The following DTWD2 variants were observed in gnomAD, a reference collection of about 807,000 sequenced individuals.
DTWD2 encodes DTW motif tRNA-uridine aminocarboxypropyltransferase 2.
In DTWD2, 39 loss-of-function variants were observed where a neutral mutation model predicts 31.8. The observed-to-expected ratio is 1.22, with a 90% CI of 0.95 to 1.60. The LOEUF (loss-of-function observed/expected upper bound fraction) is 1.60. DTWD2 is among the 40% of genes most tolerant of loss of function. DTWD2 has a pLI of 0.00. For synonymous variants in DTWD2, 180 were observed against 142.8 expected (o/e 1.26, Z -1.86); for missense variants, 515 against 381.5 (o/e 1.35, Z -2.92).
chr5:118,952,901 T>A (rs1314334300), intron 1 of DTWD2, among the ~76,000 whole-genome samples: 3 of 152,228 alleles, frequency 2.0e-5, no homozygotes, highest in Non-Finnish European at 4.4e-5. Flanking sequence ...TCGTATGTAT[T>A]TCCTTTAGAT....
chr5:118,877,278 C>T (rs1752641685), intron 4 of DTWD2, among the ~76,000 whole-genome samples: 1 of 152,084 alleles, frequency 6.6e-6, no homozygotes, highest in Non-Finnish European at 1.5e-5. Context: ...CGAGACCATC[C>T]TGGCTAACAT....
intron 1 of DTWD2, among the ~76,000 whole-genome samples, chr5:118,957,529 A>AT (rs1754613379): frequency 6.6e-6 from 1 of 151,998 alleles, no homozygotes; most frequent in African/African-American, 2.4e-5. Flanking sequence ...CACTGTTGTG[A>AT]TTTTTTAATT....
chr5:118,956,072 A>T (rs918323400), intron 1 of DTWD2, among the ~76,000 whole-genome samples: 2 of 152,190 alleles, frequency 1.3e-5, no homozygotes, highest in African/African-American at 4.8e-5. Context: ...CATGTCACAG[A>T]TTTTCAATTT....
chr5:118,882,260 G>T (rs2149554993), intron 4 of DTWD2, among the ~76,000 whole-genome samples: 1 of 152,306 alleles, frequency 6.6e-6, no homozygotes, highest in East Asian at 1.9e-4. Context: ...TCACATGCAG[G>T]GCAAGTTGAT....
Position 118,839,835 on chromosome 5 carries a change from G to A in DTWD2, c.*1082C>T, listed in dbSNP as rs533595067. ...TAATAAACAAATGATCATGAAAACT[G>A]TGAGAAATAATCATTGGTGTATGCT... On this transcript the variant is annotated 3_prime_UTR_variant, in exon 6 of 6. Coordinates refer to ENST00000510708, the MANE Select transcript of DTWD2 (RefSeq NM_173666.4). 2.6e-5 allele frequency: 4 copies of A among 152,136 alleles called. No individual in the cohort carries two copies. The South Asian group carries it at 8.3e-4, about 31-fold the overall frequency. 9.4% of individuals were successfully genotyped at this position (152,136 alleles called of 1,614,324 possible). A position where few individuals can be genotyped will look rare whatever the true frequency, so the allele number is the denominator to read the frequency against.
intron 4 of DTWD2, among the ~76,000 whole-genome samples, chr5:118,888,027 G>A (rs17144777): frequency 0.042 from 6,359 of 151,966 alleles, 441 homozygotes; most frequent in African/African-American, 0.14. Flanking sequence ...TGAGGCTGGG[G>A]ACTATTCCTG....
At chr5:118,957,363 A>C (rs750330937) in intron 1 of DTWD2, among the ~76,000 whole-genome samples, 18 of 151,976 alleles carry the variant, frequency 1.2e-4, no homozygotes, top group Admixed American at 2.0e-4. Flanking sequence ...CTGGGATTAC[A>C]GGGGCGCGCC....
intron 4 of DTWD2, among the ~76,000 whole-genome samples, chr5:118,858,792 T>C (rs1372249084): frequency 2.0e-5 from 3 of 152,176 alleles, no homozygotes; most frequent in Non-Finnish European, 2.9e-5. Flanking sequence ...TACCCTAGTA[T>C]CATCAAACAA....
chr5:118,985,586 T>C (rs978964862), intron 1 of DTWD2, among the ~76,000 whole-genome samples: 5 of 149,860 alleles, frequency 3.3e-5, no homozygotes, highest in Admixed American at 2.7e-4. Context: ...TTAAAGACTC[T>C]AGTAAAATCT....
At chr5:118,955,176 C>T (rs560150853) in intron 1 of DTWD2, among the ~76,000 whole-genome samples, 1 of 152,140 alleles carries the variant, frequency 6.6e-6, no homozygotes, top group African/African-American at 2.4e-5. Context: ...GCTCACAAAA[C>T]ATTTTCTATT....
chr5:118,912,958 G>T (rs1753490963), intron 4 of DTWD2, among the ~76,000 whole-genome samples: 1 of 152,134 alleles, frequency 6.6e-6, no homozygotes, highest in African/African-American at 2.4e-5. Context: ...AATTTAATTT[G>T]ATCCACAACG....
intron 4 of DTWD2, among the ~76,000 whole-genome samples, chr5:118,875,655 C>T (rs1752604861): frequency 6.9e-6 from 1 of 145,118 alleles, no homozygotes; most frequent in Admixed American, 6.9e-5. Context: ...TTCAATTCAA[C>T]AAGAGCTAAC....
At chr5:118,910,740 C>T (rs1028516709) in intron 4 of DTWD2, among the ~76,000 whole-genome samples, 3 of 152,154 alleles carry the variant, frequency 2.0e-5, no homozygotes, top group African/African-American at 4.8e-5. Flanking sequence ...AACAAAATAC[C>T]TTAGGCTGGG....
intron 4 of DTWD2, among the ~76,000 whole-genome samples, chr5:118,885,625 C>T (rs947441656): frequency 1.2e-4 from 18 of 150,758 alleles, no homozygotes; most frequent in Non-Finnish European, 1.9e-4. Context: ...ATTAGCCAGG[C>T]GTGGTGGCAT....
At chr5:118,922,158 G>C (rs1468560200) in intron 4 of DTWD2, among the ~76,000 whole-genome samples, 1 of 152,212 alleles carries the variant, frequency 6.6e-6, no homozygotes, top group Non-Finnish European at 1.5e-5. Flanking sequence ...GTGGGAAAGA[G>C]ATTCACTGCC....
In DTWD2 at chr5:118,933,729, A is replaced by G. The variant is rs150106244; in HGVS notation, c.405-5000T>C. On this transcript the variant is annotated intron_variant, in intron 3 of 5. Transcript: ENST00000510708. ...TGTTCTCTAAGACTGAGAACAAAACAAGGATGTCCTCTCACCACTGCTATT... is the reference window on the plus strand; with the variant it reads ...TGTTCTCTAAGACTGAGAACAAAACGAGGATGTCCTCTCACCACTGCTATT... Among the ~76,000 whole-genome samples the G allele has an allele frequency of 1.8e-4, 27 of 152,206 alleles. 1 individual carries two copies. In the East Asian group the frequency reaches 5.2e-3, roughly 29 times the overall value.
At chr5:118,843,749 G>A (rs990584239) in intron 5 of DTWD2, among the ~76,000 whole-genome samples, 3 of 152,200 alleles carry the variant, frequency 2.0e-5, no homozygotes, top group African/African-American at 7.2e-5. Flanking sequence ...GTAATGAAGA[G>A]AATGAATTTT....
intron 1 of DTWD2, among the ~76,000 whole-genome samples, chr5:118,985,518 A>ATATATATATATATATATG: frequency 1.6e-5 from 1 of 62,648 alleles, no homozygotes; most frequent in African/African-American, 6.2e-5. Context: ...ATATATATAT[A>ATATATATATATATATATG]CACACACATA....
rs766106472 is a variant in DTWD2, at chr5:118,939,273, A to G, written c.327T>C (p.Arg109=). 6.3e-7 allele frequency: 1 copy of G among 1,583,706 alleles called. No homozygotes were observed. Among genetic ancestry groups the G allele is most frequent in the Non-Finnish European group, 8.6e-7 (1 of 1,165,160 alleles). The change falls in exon 3 of 6, where the codon CGT becomes CGC. Residue 109 remains arginine, a synonymous_variant. Coordinates refer to ENST00000510708, the MANE Select transcript of DTWD2 (RefSeq NM_173666.4). The part of the protein sequence containing the change: ...QHPAEENKVL[R]TVPLLAACLP... ...GGCATGCTGCTAGTAGAGGAACTGTACGCAACACTTTGTTTTCCTTTAATT... is the reference window on the plus strand; with the variant it reads ...GGCATGCTGCTAGTAGAGGAACTGTGCGCAACACTTTGTTTTCCTTTAATT...
Sources: gnomAD v4.1 joint callset for allele counts (sites outside exome capture counted in the v4.1 genomes callset) on GRCh38, gnomAD v4.1.1 for gene constraint, MANE v1.5 for transcripts, NCBI Gene and HGNC (gene_info 2026-07-23, HGNC 2026-07-21) for gene names.